The following CLDN19 variants were observed in gnomAD, a reference collection of about 807,000 sequenced individuals.
The protein encoded by CLDN19 is claudin 19.
A neutral mutation model predicts 24.5 loss-of-function variants in CLDN19; 19 were observed. The ratio of observed to expected loss-of-function variants is 0.78; its 90% CI spans 0.54 to 1.14. The LOEUF is 1.14. Ranked by LOEUF, CLDN19 falls within the 50% of genes most tolerant of loss-of-function variation. The probability of loss-of-function intolerance (pLI) is 0.00; values close to 1 mark genes in which losing one functional copy is unlikely to be tolerated. For synonymous variants in CLDN19, 117 were observed against 129.6 expected (o/e 0.90, Z 0.66); for missense variants, 250 against 295.9 (o/e 0.84, Z 1.14).
chr1:42,739,845 C>G lies in CLDN19; in HGVS notation c.219G>C (p.Leu73=). The G allele has an allele frequency of 1.9e-6, 3 of 1,612,774 alleles. No individual in the cohort carries two copies. Among genetic ancestry groups the G allele is most frequent in the Non-Finnish European group, 2.5e-6 (3 of 1,179,754 alleles). ...CCCCGCCGGCCTGGGGCCTACCGTC[C>G]AGGGCGAGCAGCGAGTCGTAGAGCT... ...QCKLYDSLLA[L]DGHIQSARAL... Residue 73 remains leucine (L), a synonymous_variant, in exon 1 of 5, where the codon CTG becomes CTC. Coordinates refer to ENST00000296387, the MANE Select transcript of CLDN19 (RefSeq NM_148960.3).
In CLDN19 at chr1:42,738,423, G is replaced by T. The variant is rs143479131; in HGVS notation, c.386C>A (p.Ala129Glu). 5 of 1,613,976 alleles carry T rather than the reference G, an allele frequency of 3.1e-6. No individual in the cohort carries two copies. The highest frequency in any genetic ancestry group is 4.2e-6 in the Non-Finnish European group (5 of 1,180,042). Residue 129 changes from alanine (A) to glutamate (E), a missense_variant and splice_region_variant, in exon 2 of 5, where the codon GCA (alanine) becomes GAA (glutamate). Ala to Glu is a moderately radical substitution (Grantham distance 107, BLOSUM62 -1). Coordinates refer to ENST00000296387, the MANE Select transcript of CLDN19 (RefSeq NM_148960.3). ...AIAGGALFIL[A>E]GLCTLTAVSW... is the part of the protein sequence containing the mutation. ...GTGCAGGAGTGAGGGGCACTCACCT[G>T]CCAGGATGAAGAGGGCTCCCCCGGC... is the stretch of plus-strand genomic sequence containing the variant.
intron 3 of CLDN19, 122 bp downstream of exon 3, chr1:42,738,107 C>G: frequency 2.2e-6 from 2 of 907,754 alleles, no homozygotes; most frequent in Non-Finnish European, 1.8e-6. Flanking sequence ...CTGGCGCCCC[C>G]CTTTAAAGCT....
In CLDN19 at chr1:42,734,757, G is replaced by T. The variant is rs1488210994; in HGVS notation, c.*329C>A. 4 of 320,386 alleles carry T rather than the reference G, an allele frequency of 1.2e-5. No homozygotes were observed. Among genetic ancestry groups the T allele is most frequent in the Admixed American group, 1.2e-4 (3 of 25,342 alleles). 19.8% of individuals were successfully genotyped at this position (320,386 alleles called of 1,614,324 possible). On this transcript the variant is annotated 3_prime_UTR_variant, in exon 5 of 5. Transcript: ENST00000296387. Reference sequence around the variant, plus strand: ...TCAGGGGCAGCCTCCAGGAGTGAGTGGGATCTCCTATCAAGGAGGACTTTG... The same window carrying T: ...TCAGGGGCAGCCTCCAGGAGTGAGTTGGATCTCCTATCAAGGAGGACTTTG...
rs1193831713 is a variant in CLDN19, at chr1:42,735,122, T to C, written c.639A>G (p.Lys213=). The C allele has an allele frequency of 6.2e-7, 1 of 1,613,996 alleles. No individual in the cohort carries two copies. The highest frequency in any genetic ancestry group is 8.5e-7 in the Non-Finnish European group (1 of 1,179,938). ...PSAAAREPVV[K]LPASAKGPLG... is the part of the protein sequence containing the mutation. ...GGGGGCCCTTGGCGGAGGCGGGCAATTTAACAACTGGTCTGAAAGTCAAAA... is the reference window on the plus strand; with the variant it reads ...GGGGGCCCTTGGCGGAGGCGGGCAACTTAACAACTGGTCTGAAAGTCAAAA... The change falls in exon 5 of 5, where the codon AAA becomes AAG. Residue 213 remains lysine, a synonymous_variant. Coordinates refer to ENST00000296387, the MANE Select transcript of CLDN19 (RefSeq NM_148960.3).
Position 42,739,985 on chromosome 1 carries a change from G to C in CLDN19, c.79C>G (p.Leu27Val), listed in dbSNP as rs776725990. 3 of 1,590,232 alleles carry C rather than the reference G, an allele frequency of 1.9e-6. No individual in the cohort carries two copies. Among genetic ancestry groups the C allele is most frequent in the South Asian group, 2.3e-5 (2 of 87,878 alleles). ...GWVGIIASTA[L>V]PQWKQSSYAG... ...TAGGAAGACTGCTTCCACTGTGGCA[G>C]GGCTGTGCTAGCAATGATGCCCACC... The change falls in exon 1 of 5, where the codon CTG (leucine) becomes GTG (valine). Residue 27 changes from leucine (L) to valine (V), a missense_variant. Coordinates refer to ENST00000296387, the MANE Select transcript of CLDN19 (RefSeq NM_148960.3).
rs1477074057 is a variant in CLDN19, at chr1:42,735,933, T to C, written c.571A>G (p.Arg191Gly). Residue 191 changes from arginine (R) to glycine (G), a missense_variant, in exon 4 of 5, where the codon AGA becomes GGA. Coordinates refer to ENST00000296387, the MANE Select transcript of CLDN19 (RefSeq NM_148960.3). ...FLCCTCPEPE[R>G]PNSSPQPYRP... is the part of the protein sequence containing the mutation. ...TAGGGCTGTGGGCTGCTGTTGGGTC[T>C]CTCTGGCTCCGGGCATGTGCAGCAG... 1 of 1,578,962 alleles carries C rather than the reference T, an allele frequency of 6.3e-7. No individual in the cohort carries two copies. The highest frequency in any genetic ancestry group is 8.6e-7 in the Non-Finnish European group (1 of 1,162,368).
chr1:42,738,668 C>A, intron 1 of CLDN19, 83 bp from the exon 2 acceptor site: 1 of 1,389,838 alleles, frequency 7.2e-7, no homozygotes, highest in South Asian at 1.3e-5. Flanking sequence ...AGGAGCCCAG[C>A]TTGAGAGGGG....
At position 42,735,042 on chromosome 1, in the gene CLDN19, A is replaced by G; in HGVS notation, c.*44T>C. The G allele has an allele frequency of 7.0e-7, 1 of 1,426,328 alleles. No individual in the cohort carries two copies. The highest frequency in any genetic ancestry group is 9.9e-7 in the Non-Finnish European group (1 of 1,009,766). 88.4% of individuals were successfully genotyped at this position (1,426,328 alleles called of 1,614,324 possible). A position where few individuals can be genotyped will look rare whatever the true frequency, so the allele number is the denominator to read the frequency against. On this transcript the variant is annotated 3_prime_UTR_variant, in exon 5 of 5. Transcript: ENST00000296387. The stretch of plus-strand genomic sequence containing the variant: ...CTTTCCAAAAAAATATGAAACACAC[A>G]GTCTAGGTATGGCAGGGGACAGAGC...
intron 1 of CLDN19, among the ~76,000 whole-genome samples, chr1:42,739,114 C>T (rs1414256999): frequency 1.3e-5 from 2 of 152,266 alleles, no homozygotes; most frequent in Non-Finnish European, 1.5e-5. Flanking sequence ...GCTCAGGAGA[C>T]CTGGGTCCCT....
At position 42,735,766 on chromosome 1, in the gene CLDN19, G is replaced by A. The variant is rs764084498; in HGVS notation, c.626+112C>T. On this transcript the variant is annotated intron_variant, in intron 4 of 4. Transcript: ENST00000296387. ...AGGACAAGCTGCTCAGAGCACCTAT[G>A]CCCATCCTATGCCCCAGTGGCCCTG... The A allele has an allele frequency of 2.0e-5, 30 of 1,527,452 alleles. 1 individual carries two copies. In the South Asian group the frequency reaches 3.6e-4, roughly 18 times the overall value. The allele number at this position is 1,527,452 out of a possible 1,614,324, so 94.6% of individuals were successfully genotyped here. A position where few individuals can be genotyped will look rare whatever the true frequency, so the allele number is the denominator to read the frequency against.
intron 1 of CLDN19, among the ~76,000 whole-genome samples, chr1:42,739,363 T>G (rs933611878): frequency 3.9e-5 from 6 of 152,242 alleles, no homozygotes; most frequent in Middle Eastern, 3.2e-3. Flanking sequence ...TGCATGCATG[T>G]GCACGTGTGT....
chr1:42,735,219 G>C, intron 4 of CLDN19, 85 bp from the exon 5 acceptor site: 2 of 1,593,502 alleles, frequency 1.3e-6, no homozygotes, highest in Non-Finnish European at 1.7e-6. Flanking sequence ...CCGGACATGG[G>C]TACTGGCCAG....
At chr1:42,735,392 G>C in intron 4 of CLDN19, 19 of 1,427,054 alleles carry the variant, frequency 1.3e-5, no homozygotes, top group Non-Finnish European at 1.7e-5. Flanking sequence ...TTGTGTGAAC[G>C]TTCAGCATCC....
rs1328593088 is a variant in CLDN19 at position 42,736,403 on chromosome 1, G to GACT, written c.474-374_474-373insAGT. On this transcript the variant is annotated intron_variant, in intron 3 of 4. Coordinates refer to ENST00000296387, the MANE Select transcript of CLDN19 (RefSeq NM_148960.3). Reference sequence around the variant, plus strand: ...CCATGTTTTTTCCCAGTCACATTCTGGCCCACAGAACTCCCAGCCAAGACT... The same window carrying GACT: ...CCATGTTTTTTCCCAGTCACATTCTGACTGCCCACAGAACTCCCAGCCAAGACT... 2.5e-3 allele frequency among the ~76,000 whole-genome samples: 388 copies of GACT among 152,280 alleles called. 2 individuals carry two copies. The highest frequency in any genetic ancestry group is 9.1e-3 in the African/African-American group (380 of 41,552).
rs150722951 is a variant in CLDN19 at position 42,737,687 on chromosome 1, C to G, written c.473+542G>C. ...GCATGCAAAGCTGGGATTGATTGAT[C>G]GTTTGATTTTTTTGAGACAAAATCT... On this transcript the variant is annotated intron_variant, in intron 3 of 4. Transcript: ENST00000296387. 4.2e-3 allele frequency among the ~76,000 whole-genome samples: 639 copies of G among 152,254 alleles called. 7 individuals carry two copies. The highest frequency in any genetic ancestry group is 0.013 in the African/African-American group (561 of 41,558).
chr1:42,735,740 G>A, intron 4 of CLDN19, 138 bp downstream of exon 4: 1 of 1,484,064 alleles, frequency 6.7e-7, no homozygotes, highest in South Asian at 1.3e-5. Flanking sequence ...TGCTTGTGTT[G>A]AGGACAAGCT....
chr1:42,738,989 C>T (rs1419290114), intron 1 of CLDN19, among the ~76,000 whole-genome samples: 2 of 152,106 alleles, frequency 1.3e-5, no homozygotes, highest in African/African-American at 4.8e-5. Context: ...GCCTGAGCCC[C>T]GCAGCAACCC....
intron 3 of CLDN19, among the ~76,000 whole-genome samples, chr1:42,736,715 C>T (rs1314924322): frequency 6.6e-6 from 1 of 152,236 alleles, no homozygotes; most frequent in African/African-American, 2.4e-5. Context: ...CACTACCATG[C>T]TTTCTCCAGG....
intron 3 of CLDN19, 122 bp downstream of exon 3, chr1:42,738,107 C>T (rs1393002770): frequency 1.1e-6 from 1 of 907,748 alleles, no homozygotes; most frequent in Non-Finnish European, 1.8e-6. Flanking sequence ...CTGGCGCCCC[C>T]CTTTAAAGCT....
Sources: allele counts gnomAD v4.1 joint callset (sites outside exome capture counted in the v4.1 genomes callset), GRCh38; gene constraint gnomAD v4.1.1; transcripts MANE v1.5; gene names NCBI Gene and HGNC (gene_info 2026-07-23, HGNC 2026-07-21).